Variants in CAV1 observed in about 807,000 individuals in gnomAD.
CAV1 encodes caveolin 1.
In CAV1, 10 loss-of-function variants were observed where a neutral mutation model predicts 16.5. The observed-to-expected ratio is 0.61, with a 90% confidence interval of 0.37 to 1.03. CAV1 has a LOEUF of 1.03. CAV1 is among the 50% of genes least tolerant of loss of function. The probability of loss-of-function intolerance (pLI) is 0.01; values close to 1 mark genes in which losing one functional copy is unlikely to be tolerated. For synonymous variants in CAV1, 76 were observed against 85.1 expected (o/e 0.89, Z 0.59); for missense variants, 212 against 232.8 (o/e 0.91, Z 0.58).
At chr7:116,535,229 G>A (rs1267796366) in intron 2 of CAV1, among the ~76,000 whole-genome samples, 1 of 152,166 alleles carries the variant, frequency 6.6e-6, no homozygotes, top group Non-Finnish European at 1.5e-5. Context: ...CTTATACCTG[G>A]AATATACTGG....
chr7:116,525,733 A>T, intron 1 of CAV1: 1 of 1,058,046 alleles, frequency 9.5e-7, no homozygotes, highest in Non-Finnish European at 1.2e-6. Flanking sequence ...TCGTCTTCCA[A>T]CACGTAGCTG....
At chr7:116,548,701 G>A (rs964332237) in intron 2 of CAV1, among the ~76,000 whole-genome samples, 1 of 152,140 alleles carries the variant, frequency 6.6e-6, no homozygotes, top group African/African-American at 2.4e-5. Flanking sequence ...AGGGAGAGCT[G>A]AATGAGGAAC....
intron 2 of CAV1, among the ~76,000 whole-genome samples, chr7:116,528,879 G>C (rs951580292): frequency 6.6e-6 from 1 of 151,782 alleles, no homozygotes; most frequent in African/African-American, 2.4e-5. Flanking sequence ...ACCCAGGCTG[G>C]AGTGCAGTGG....
intron 2 of CAV1, among the ~76,000 whole-genome samples, chr7:116,547,718 G>C (rs1794082934): frequency 6.6e-6 from 1 of 152,130 alleles, no homozygotes; most frequent in Non-Finnish European, 1.5e-5. Context: ...TCCCAATACT[G>C]TTACTGACAT....
rs1199366821 is a variant in CAV1, at chr7:116,526,760, T to A, written c.195+71T>A. 6 of 1,568,520 alleles carry A rather than the reference T, an allele frequency of 3.8e-6. No homozygotes were observed. In the Admixed American group the frequency reaches 1.0e-4, roughly 27 times the overall value. On this transcript the variant is annotated intron_variant, in intron 2 of 2. Coordinates refer to ENST00000341049, the MANE Select transcript of CAV1 (RefSeq NM_001753.5). ...TGGCAGTTAGCCCGTGCATCCTTCT[T>A]TAGCATTGCCGTGTACGCACACCCC...
In CAV1 at chr7:116,545,500, C is replaced by A. The variant is rs563162647; in HGVS notation, c.196-13446C>A. On this transcript the variant is annotated intron_variant, in intron 2 of 2. Coordinates refer to ENST00000341049, the MANE Select transcript of CAV1 (RefSeq NM_001753.5). Reference sequence around the variant, plus strand: ...CCTCACTTGCCAAGCAATGTTCAAACCTGCAGAGATTTATTTCATTCATTT... The same window carrying A: ...CCTCACTTGCCAAGCAATGTTCAAAACTGCAGAGATTTATTTCATTCATTT... 2.0e-5 allele frequency among the ~76,000 whole-genome samples: 3 copies of A among 152,294 alleles called. No individual in the cohort carries two copies. In the South Asian group the frequency reaches 6.2e-4, roughly 32 times the overall value.
intron 2 of CAV1, among the ~76,000 whole-genome samples, chr7:116,540,438 A>T (rs1043418142): frequency 6.6e-6 from 1 of 152,196 alleles, no homozygotes; most frequent in Non-Finnish European, 1.5e-5. Flanking sequence ...TCCTATCAAC[A>T]GGCTAAGTGT....
At chr7:116,528,225 G>A (rs761964172) in intron 2 of CAV1, among the ~76,000 whole-genome samples, 6 of 152,046 alleles carry the variant, frequency 3.9e-5, no homozygotes, top group Non-Finnish European at 7.4e-5. Flanking sequence ...CGAATCTCCC[G>A]GGATGAGTCA....
intron 2 of CAV1, among the ~76,000 whole-genome samples, chr7:116,528,777 C>A (rs1407782715): frequency 6.6e-6 from 1 of 151,938 alleles, no homozygotes; most frequent in Non-Finnish European, 1.5e-5. Context: ...TAATAAATTT[C>A]CCTAAATTTT....
At chr7:116,527,006 A>G in intron 2 of CAV1, 1 of 402,884 alleles carries the variant, frequency 2.5e-6, no homozygotes, top group Non-Finnish European at 4.7e-6. Flanking sequence ...CAGACGGCCC[A>G]TACTCCTTGG....
At chr7:116,547,749 C>A (rs554698586) in intron 2 of CAV1, among the ~76,000 whole-genome samples, 1 of 152,202 alleles carries the variant, frequency 6.6e-6, no homozygotes, top group Non-Finnish European at 1.5e-5. Flanking sequence ...TCTCCACTTC[C>A]GGTTGAGACA....
intron 2 of CAV1, among the ~76,000 whole-genome samples, chr7:116,555,476 G>GAAGGAAGGAAGGAAGGA (rs372872878): frequency 2.7e-5 from 1 of 36,458 alleles, no homozygotes; most frequent in East Asian, 1.3e-3. Context: ...AGGAAGGAAG[G>GAAGGAAGGAAGGAAGGA]AGGAAAGAAA....
chr7:116,540,534 TG>T (rs1793913768), intron 2 of CAV1, among the ~76,000 whole-genome samples: 1 of 152,196 alleles, frequency 6.6e-6, no homozygotes, highest in Non-Finnish European at 1.5e-5. Context: ...ATTGTGGATT[TG>T]GGGTGTAACT....
chr7:116,528,446 G>C (rs1584767892), intron 2 of CAV1, among the ~76,000 whole-genome samples: 1 of 152,080 alleles, frequency 6.6e-6, no homozygotes, highest in East Asian at 1.9e-4. Flanking sequence ...GCAAGCTCCT[G>C]CTAGCCTAAA....
chr7:116,535,305 C>T (rs979247837), intron 2 of CAV1, among the ~76,000 whole-genome samples: 2 of 152,144 alleles, frequency 1.3e-5, no homozygotes, highest in Non-Finnish European at 2.9e-5. Context: ...CATGTCAGGC[C>T]TTTCCCTGAT....
Position 116,527,321 on chromosome 7 carries a change from A to G in CAV1, c.195+632A>G, listed in dbSNP as rs181221398. ...AACTAAGCAAATTTACAAAACCAAA[A>G]ACAATGTATGCCTCTTGGTTTCTTC... On this transcript the variant is annotated intron_variant, in intron 2 of 2. Coordinates refer to ENST00000341049, the MANE Select transcript of CAV1 (RefSeq NM_001753.5). Among the ~76,000 whole-genome samples the G allele has an allele frequency of 2.0e-5, 3 of 152,322 alleles. No homozygotes were observed. In the East Asian group the frequency reaches 5.8e-4, roughly 29 times the overall value.
chr7:116,535,768 G>A (rs560877292), intron 2 of CAV1, among the ~76,000 whole-genome samples: 2 of 152,274 alleles, frequency 1.3e-5, no homozygotes, highest in African/African-American at 4.8e-5. Context: ...ATTGAACCTC[G>A]AGAAGATGTC....
At position 116,559,857 on chromosome 7, in the gene CAV1, C is replaced by G; in HGVS notation, c.*570C>G. ...ACATAATCTTCTGCCTTCTCATGAT[C>G]CAACTAATGCCTTACTCTTCTTGAA... is the stretch of plus-strand genomic sequence containing the variant. On this transcript the variant is annotated 3_prime_UTR_variant, in exon 3 of 3. Transcript: ENST00000341049. 2.5e-6 allele frequency: 1 copy of G among 400,856 alleles called. No homozygotes were observed. Among genetic ancestry groups the G allele is most frequent in the Non-Finnish European group, 4.4e-6 (1 of 227,448 alleles). 24.8% of individuals were successfully genotyped at this position (400,856 alleles called of 1,614,324 possible). A position where few individuals can be genotyped will look rare whatever the true frequency, so the allele number is the denominator to read the frequency against.
intron 2 of CAV1, among the ~76,000 whole-genome samples, chr7:116,547,149 A>G (rs950603925): frequency 1.3e-5 from 2 of 152,136 alleles, no homozygotes; most frequent in African/African-American, 2.4e-5. Flanking sequence ...CCTCATCTTC[A>G]CTAACTACAT....
Sources: allele counts gnomAD v4.1 joint callset (sites outside exome capture counted in the v4.1 genomes callset), GRCh38; gene constraint gnomAD v4.1.1; transcripts MANE v1.5; gene names NCBI Gene and HGNC (gene_info 2026-07-23, HGNC 2026-07-21).